FAM13B: variants seen among roughly 807,000 people sequenced by gnomAD.
FAM13B encodes the protein family with sequence similarity 13 member B, also known as protein FAM13B.
A neutral mutation model predicts 117.3 loss-of-function variants in FAM13B; 60 were observed. The ratio of observed to expected loss-of-function variants is 0.51; its 90% CI spans 0.42 to 0.63. The LOEUF is 0.63. Ranked by LOEUF, FAM13B falls within the 30% of genes least tolerant of loss-of-function variation. The pLI is 0.00. For missense variants in FAM13B, 972 were observed against 1,091.9 expected (o/e 0.89, Z 1.55); for synonymous variants, 332 against 356.1 (o/e 0.93, Z 0.76).
At chr5:137,973,968 A>G (rs1340884095) in intron 10 of FAM13B, among the ~76,000 whole-genome samples, 1 of 138,488 alleles carries the variant, frequency 7.2e-6, no homozygotes, top group Non-Finnish European at 1.6e-5. Flanking sequence ...GGTGCTGGAG[A>G]GGATGTGGAG....
chr5:137,953,170 A>G (rs1459308274), intron 16 of FAM13B, among the ~76,000 whole-genome samples, 166 bp downstream of exon 16: 1 of 152,248 alleles, frequency 6.6e-6, no homozygotes, highest in Non-Finnish European at 1.5e-5. Flanking sequence ...CCTGGAAGTC[A>G]GGAGACCAAG....
intron 7 of FAM13B, among the ~76,000 whole-genome samples, chr5:138,002,215 G>C (rs1781444861): frequency 6.6e-6 from 1 of 152,140 alleles, no homozygotes; most frequent in African/African-American, 2.4e-5. Context: ...TAAGTGGATT[G>C]CTGGGGATTA....
At chr5:138,002,638 G>A (rs1168173032) in intron 7 of FAM13B, among the ~76,000 whole-genome samples, 2 of 150,634 alleles carry the variant, frequency 1.3e-5, no homozygotes, top group Non-Finnish European at 2.9e-5. Context: ...TTTCTGAAAG[G>A]CTGATCAAAC....
chr5:138,020,651 G>A (rs936579024), intron 2 of FAM13B: 1 of 152,602 alleles, frequency 6.6e-6, no homozygotes, highest in African/African-American at 2.4e-5. Flanking sequence ...GACACCAGCT[G>A]GTATTTTTTC....
intron 10 of FAM13B, among the ~76,000 whole-genome samples, chr5:137,972,140 C>A (rs1256867856): frequency 5.3e-5 from 8 of 150,896 alleles, no homozygotes; most frequent in African/African-American, 1.9e-4. Context: ...GATACCAAAG[C>A]CAGGCAGAGA....
At chr5:138,042,162 T>A (rs1402056890) in intron 1 of FAM13B, among the ~76,000 whole-genome samples, 1 of 152,176 alleles carries the variant, frequency 6.6e-6, no homozygotes, top group Non-Finnish European at 1.5e-5. Flanking sequence ...GGTATCTTCA[T>A]ACCATGTAAA....
At position 138,021,137 on chromosome 5, in the gene FAM13B, G is replaced by A. The variant is rs1229690520; in HGVS notation, c.-142C>T. Reference sequence around the variant, plus strand: ...ATGGCTGTTTGAGATTATGGCAGAAGATCAGCCTGTAGTTCCTCATTGAAG... The same window carrying A: ...ATGGCTGTTTGAGATTATGGCAGAAAATCAGCCTGTAGTTCCTCATTGAAG... On this transcript the variant is annotated 5_prime_UTR_variant, in exon 2 of 24. Coordinates refer to ENST00000689681, the MANE Select transcript of FAM13B (RefSeq NM_001385994.1). 1 of 1,231,512 alleles carries A rather than the reference G, an allele frequency of 8.1e-7. No homozygotes were observed. Among genetic ancestry groups the A allele is most frequent in the Non-Finnish European group, 1.0e-6 (1 of 987,910 alleles). 76.3% of individuals were successfully genotyped at this position (1,231,512 alleles called of 1,614,324 possible).
intron 7 of FAM13B, among the ~76,000 whole-genome samples, chr5:138,001,947 C>T (rs1781371759): frequency 6.6e-6 from 1 of 152,038 alleles, no homozygotes; most frequent in Admixed American, 6.6e-5. Context: ...AAAACGGGTA[C>T]AGCAGTTAGA....
At position 138,018,940 on chromosome 5, in the gene FAM13B, T is replaced by C; in HGVS notation, c.157+15A>G. ...TTAAAACAAAAGCTAGCCCTCAAAG[T>C]AAGGAAATGTATACCATGTTCCTCA... On this transcript the variant is annotated intron_variant, in intron 3 of 23. Coordinates refer to ENST00000689681, the MANE Select transcript of FAM13B (RefSeq NM_001385994.1). 6.3e-7 allele frequency: 1 copy of C among 1,586,042 alleles called. No individual in the cohort carries two copies. The highest frequency in any genetic ancestry group is 8.6e-7 in the Non-Finnish European group (1 of 1,163,486).
Position 137,977,104 on chromosome 5 carries a change from C to A in FAM13B, c.1179+8153G>T, listed in dbSNP as rs567684348. On this transcript the variant is annotated intron_variant, in intron 10 of 23. Coordinates refer to ENST00000689681, the MANE Select transcript of FAM13B (RefSeq NM_001385994.1). The stretch of plus-strand genomic sequence containing the variant: ...TGAGGGTAGGTCTCTGAAATGGCCT[C>A]CTTGGGTGTGGCCATCTTCTATGGT... Among the ~76,000 whole-genome samples the A allele has an allele frequency of 2.7e-4, 41 of 152,224 alleles. 1 individual carries two copies. Among genetic ancestry groups the A allele is most frequent in the Non-Finnish European group, 3.8e-4 (26 of 68,014 alleles).
chr5:137,988,877 T>G (rs1386993775), intron 7 of FAM13B, among the ~76,000 whole-genome samples: 1 of 152,142 alleles, frequency 6.6e-6, no homozygotes, highest in East Asian at 1.9e-4. Flanking sequence ...CCCAAATATA[T>G]ATACTTGTGG....
At chr5:137,967,778 A>T in intron 10 of FAM13B, among the ~76,000 whole-genome samples, 1 of 152,128 alleles carries the variant, frequency 6.6e-6, no homozygotes, top group East Asian at 1.9e-4. Context: ...CTGTAGTCAC[A>T]GCTGCTTGGT....
At chr5:138,012,890 A>G (rs962868816) in intron 4 of FAM13B, among the ~76,000 whole-genome samples, 1 of 152,088 alleles carries the variant, frequency 6.6e-6, no homozygotes, top group Non-Finnish European at 1.5e-5. Context: ...ATAGGACTCC[A>G]GTACTATGTT....
chr5:137,962,972 C>T (rs1374001189), intron 10 of FAM13B, among the ~76,000 whole-genome samples: 1 of 152,134 alleles, frequency 6.6e-6, no homozygotes, highest in Non-Finnish European at 1.5e-5. Flanking sequence ...CATCTCATCC[C>T]TATTCCCCCC....
At chr5:137,940,509 C>A in intron 23 of FAM13B, 161 bp from the exon 24 acceptor site, 1 of 567,400 alleles carries the variant, frequency 1.8e-6, no homozygotes, top group South Asian at 2.5e-5. Flanking sequence ...TACCCTCATC[C>A]CCAAGGAACA....
chr5:138,026,379 T>C (rs1025606525), intron 1 of FAM13B, among the ~76,000 whole-genome samples: 3 of 151,892 alleles, frequency 2.0e-5, no homozygotes, highest in Admixed American at 1.3e-4. Flanking sequence ...TAATCCCAGC[T>C]CTTTGGGAGG....
chr5:137,990,978 T>C (rs1778469749), intron 7 of FAM13B, among the ~76,000 whole-genome samples: 1 of 152,166 alleles, frequency 6.6e-6, no homozygotes, highest in Non-Finnish European at 1.5e-5. Context: ...GCACACACTT[T>C]GACTCAGAAA....
At chr5:137,950,362 A>G (rs1011947854) in intron 17 of FAM13B, among the ~76,000 whole-genome samples, 2 of 152,174 alleles carry the variant, frequency 1.3e-5, no homozygotes, top group Admixed American at 1.3e-4. Context: ...CAGTGAGGCA[A>G]TAGCCAGTGT....
chr5:137,999,827 T>A (rs1010572578), intron 7 of FAM13B, among the ~76,000 whole-genome samples: 15 of 152,146 alleles, frequency 9.9e-5, no homozygotes, highest in African/African-American at 3.6e-4. Flanking sequence ...GTGAAAGGGC[T>A]AAGGAGTCTT....
Sources: gnomAD v4.1 joint callset for allele counts (sites outside exome capture counted in the v4.1 genomes callset) on GRCh38, gnomAD v4.1.1 for gene constraint, MANE v1.5 for transcripts, NCBI Gene and HGNC (gene_info 2026-07-23, HGNC 2026-07-21) for gene names.